SDK1: variants seen among roughly 807,000 people sequenced by gnomAD.
SDK1 encodes the protein protein sidekick-1.
A neutral mutation model predicts 245.5 loss-of-function variants in SDK1; 157 were observed. The observed-to-expected ratio is 0.64, with a 90% CI of 0.56 to 0.73. SDK1 has a LOEUF of 0.73. Among genes scored for constraint, SDK1 ranks in the 30% least tolerant of loss-of-function variants. SDK1 has a pLI of 0.00. For synonymous variants in SDK1, 1,647 were observed against 1,278.5 expected (o/e 1.29, Z -6.15); for missense variants, 3,583 against 3,002.3 (o/e 1.19, Z -4.52).
At chr7:3,829,893 C>T (rs73310049) in intron 5 of SDK1, among the ~76,000 whole-genome samples, 4 of 152,142 alleles carry the variant, frequency 2.6e-5, no homozygotes, top group Non-Finnish European at 5.9e-5. Context: ...CACGTTTGGG[C>T]GGACAGCAAA....
intron 43 of SDK1, among the ~76,000 whole-genome samples, chr7:4,243,699 C>T (rs1276974759): frequency 1.3e-5 from 2 of 152,146 alleles, no homozygotes; most frequent in Non-Finnish European, 2.9e-5. Context: ...CCCACCAGGT[C>T]CCTCCCACGT....
At chr7:3,987,843 T>G (rs954793196) in intron 14 of SDK1, among the ~76,000 whole-genome samples, 1 of 152,108 alleles carries the variant, frequency 6.6e-6, no homozygotes, top group Non-Finnish European at 1.5e-5. Context: ...GCCTTGGCTC[T>G]CCTCCAGCCG....
intron 4 of SDK1, 112 bp downstream of exon 4, chr7:3,642,217 C>G (rs1583261634): frequency 5.1e-6 from 5 of 971,638 alleles, no homozygotes; most frequent in South Asian, 3.4e-5. Flanking sequence ...AAAGAGCAAA[C>G]TAGTCTAGGA....
intron 1 of SDK1, among the ~76,000 whole-genome samples, chr7:3,596,303 CAAT>C (rs762526643): frequency 2.0e-5 from 3 of 152,068 alleles, no homozygotes; most frequent in Non-Finnish European, 4.4e-5. Flanking sequence ...CTCCTTAGCA[CAAT>C]AATTGGTACA....
At chr7:3,549,330 C>T (rs1562555715) in intron 1 of SDK1, among the ~76,000 whole-genome samples, 1 of 152,208 alleles carries the variant, frequency 6.6e-6, no homozygotes, top group African/African-American at 2.4e-5. Context: ...CCACATACTT[C>T]TTGTACCTTC....
At chr7:4,221,135 C>T (rs1479264778) in intron 39 of SDK1, 104 bp from the exon 40 acceptor site, 59 of 1,397,516 alleles carry the variant, frequency 4.2e-5, no homozygotes, top group Non-Finnish European at 5.5e-5. Flanking sequence ...CCCAGACACT[C>T]TGCAGCCTCG....
At chr7:3,346,700 T>C (rs1444593774) in intron 1 of SDK1, among the ~76,000 whole-genome samples, 3 of 133,674 alleles carry the variant, frequency 2.2e-5, no homozygotes, top group African/African-American at 9.1e-5. Context: ...TGTATGTGTG[T>C]TTGTGTGTGT....
intron 5 of SDK1, among the ~76,000 whole-genome samples, chr7:3,920,367 A>G (rs994911706): frequency 2.6e-5 from 4 of 152,114 alleles, no homozygotes; most frequent in African/African-American, 9.7e-5. Flanking sequence ...CAGGAGTGGT[A>G]AGAGGGGAAC....
chr7:4,092,361 C>G (rs1002622129), intron 22 of SDK1, among the ~76,000 whole-genome samples: 2 of 152,204 alleles, frequency 1.3e-5, no homozygotes, highest in African/African-American at 4.8e-5. Flanking sequence ...TCCCCAGCCA[C>G]TTCTCTGAGA....
chr7:4,077,252 A>T, intron 21 of SDK1, 63 bp downstream of exon 21: 4 of 1,503,230 alleles, frequency 2.7e-6, no homozygotes, highest in Non-Finnish European at 3.6e-6. Context: ...CCGAGGCTAG[A>T]AGTTGATTGG....
chr7:3,702,716 TTTA>T (rs369309557), intron 4 of SDK1, among the ~76,000 whole-genome samples: 1,748 of 152,298 alleles, frequency 0.011, 22 homozygotes, highest in Middle Eastern at 0.051. Context: ...GATCACATAG[TTTA>T]TTGTTTCACT....
chr7:3,439,815 T>C (rs980371045), intron 1 of SDK1, among the ~76,000 whole-genome samples: 1 of 152,224 alleles, frequency 6.6e-6, no homozygotes, highest in African/African-American at 2.4e-5. Context: ...ATGACAGCTT[T>C]AACTACACCC....
At chr7:3,814,680 T>A (rs1779464878) in intron 4 of SDK1, among the ~76,000 whole-genome samples, 3 of 152,156 alleles carry the variant, frequency 2.0e-5, no homozygotes, top group Non-Finnish European at 4.4e-5. Context: ...TGGGATGGCA[T>A]TGAATCTGTA....
chr7:3,548,053 G>C (rs1378730232), intron 1 of SDK1, among the ~76,000 whole-genome samples: 1 of 152,146 alleles, frequency 6.6e-6, no homozygotes, highest in Admixed American at 6.5e-5. Context: ...TGTCTCCCCA[G>C]TTTTTGAAAA....
intron 22 of SDK1, among the ~76,000 whole-genome samples, chr7:4,082,015 G>A (rs150512757): frequency 2.6e-5 from 4 of 152,236 alleles, no homozygotes; most frequent in African/African-American, 9.6e-5. Flanking sequence ...AGCATATACT[G>A]TGTGATTCCA....
rs76274420 is a variant in SDK1 at position 3,624,548 on chromosome 7, A to G, written c.458+5309A>G. 2.6e-3 allele frequency among the ~76,000 whole-genome samples: 397 copies of G among 152,286 alleles called. 2 individuals are homozygous for G. The highest frequency in any genetic ancestry group is 9.1e-3 in the African/African-American group (378 of 41,564). ...ATGGGATTTTCTGGGGAAGTAACTG[A>G]TGAAGTTTTTCTAAAGCTCATCTAG... is the stretch of plus-strand genomic sequence containing the variant. On this transcript the variant is annotated intron_variant, in intron 2 of 44. Coordinates refer to ENST00000404826, the MANE Select transcript of SDK1 (RefSeq NM_152744.4).
chr7:3,475,417 C>T (rs1346848510), intron 1 of SDK1, among the ~76,000 whole-genome samples: 1 of 152,208 alleles, frequency 6.6e-6, no homozygotes, highest in African/African-American at 2.4e-5. Flanking sequence ...GGGGCTCCTC[C>T]AGAGCAGCGT....
intron 32 of SDK1, 88 bp downstream of exon 32, chr7:4,161,944 G>A: frequency 1.7e-6 from 2 of 1,201,956 alleles, no homozygotes; most frequent in Middle Eastern, 3.8e-4. Context: ...TGGACTGCAA[G>A]CTGAGCCCTG....
intron 27 of SDK1, among the ~76,000 whole-genome samples, chr7:4,132,028 C>G (rs1472719453): frequency 6.6e-6 from 1 of 152,046 alleles, no homozygotes; most frequent in Non-Finnish European, 1.5e-5. Context: ...TACTTGTGTC[C>G]TGGTAGGCTG....
Sources: allele counts gnomAD v4.1 joint callset (sites outside exome capture counted in the v4.1 genomes callset), GRCh38; gene constraint gnomAD v4.1.1; transcripts MANE v1.5; gene names NCBI Gene and HGNC (gene_info 2026-07-23, HGNC 2026-07-21).